Variants in PTPRM observed in about 807,000 individuals in gnomAD.
The protein encoded by PTPRM is receptor-type tyrosine-protein phosphatase mu.
A neutral mutation model predicts 186.7 loss-of-function variants in PTPRM; 47 were observed. The observed-to-expected ratio is 0.25, with a 90% CI of 0.20 to 0.32. The LOEUF (loss-of-function observed/expected upper bound fraction) is 0.32. Among genes scored for constraint, PTPRM ranks in the 10% least tolerant of loss-of-function variants. The pLI is 1.00. For synonymous variants in PTPRM, 668 were observed against 674.9 expected, an observed-to-expected ratio of 0.99 and a Z score of 0.16; for missense variants, 1,494 against 1,865.0, an observed-to-expected ratio of 0.80 and a Z score of 3.66.
chr18:8,120,065 G>A (rs2145798171), intron 13 of PTPRM, among the ~76,000 whole-genome samples: 1 of 152,168 alleles, frequency 6.6e-6, no homozygotes, highest in South Asian at 2.1e-4. Context: ...GAGGCCTTGT[G>A]GGCCATATGG....
Position 7,568,778 on chromosome 18 carries a change from G to A in PTPRM, c.73+887G>A, listed in dbSNP as rs1341770374. On this transcript the variant is annotated intron_variant, in intron 1 of 32. Coordinates refer to ENST00000580170, the MANE Select transcript of PTPRM (RefSeq NM_001105244.2). This position sits in a 1 kb window ranked among gnomAD's most constrained non-coding sequence, Gnocchi z 5.1. ...TTCTAAGCCCAGAGGAACCCCTCAC[G>A]GAGAGGATCTGTGGATCGGAGTCGG... Among the ~76,000 whole-genome samples, 7 of 152,150 alleles carry A rather than the reference G, an allele frequency of 4.6e-5. No homozygotes were observed. Among genetic ancestry groups the A allele is most frequent in the Admixed American group, 3.3e-4 (5 of 15,274 alleles).
At position 8,081,583 on chromosome 18, in the gene PTPRM, A is replaced by G. The variant is rs141283381; in HGVS notation, c.1552-4088A>G. ...ACCATATGGACATTTGAGTTTGAGCATGGGAGTATATTTTGGTGCCCTTTA... is the reference window on the plus strand; with the variant it reads ...ACCATATGGACATTTGAGTTTGAGCGTGGGAGTATATTTTGGTGCCCTTTA... On this transcript the variant is annotated intron_variant, in intron 9 of 32. Transcript: ENST00000580170. 7.1e-4 allele frequency among the ~76,000 whole-genome samples: 108 copies of G among 152,306 alleles called. 2 individuals are homozygous for G. In the East Asian group the frequency reaches 8.5e-3, roughly 12 times the overall value.
At chr18:7,920,573 A>G (rs557177025) in intron 4 of PTPRM, among the ~76,000 whole-genome samples, 2 of 152,210 alleles carry the variant, frequency 1.3e-5, no homozygotes, top group East Asian at 1.9e-4. Context: ...TACCATACCT[A>G]TTACTGTTTT....
At chr18:7,751,394 T>C (rs994562943) in intron 1 of PTPRM, 3 of 152,232 alleles carry the variant, frequency 2.0e-5, no homozygotes, top group Admixed American at 2.0e-4. Context: ...TGCTTGGATC[T>C]TCAATTCCCA....
In PTPRM at chr18:8,379,352, G is replaced by T; in HGVS notation, c.3786+12G>T. 2 of 1,597,534 alleles carry T rather than the reference G, an allele frequency of 1.3e-6. No individual in the cohort carries two copies. The highest frequency in any genetic ancestry group is 1.7e-6 in the Non-Finnish European group (2 of 1,172,432). On this transcript the variant is annotated intron_variant, in intron 28 of 32. Coordinates refer to ENST00000580170, the MANE Select transcript of PTPRM (RefSeq NM_001105244.2). ...CTGCCCTCATGGACGTGAGTGCCCC[G>T]CTTCCCGCACGGGTCCGAGGCTGGG...
At chr18:7,655,187 A>C (rs2038818654) in intron 1 of PTPRM, among the ~76,000 whole-genome samples, 1 of 151,936 alleles carries the variant, frequency 6.6e-6, no homozygotes, top group African/African-American at 2.4e-5. Context: ...CTGTATTCCT[A>C]GTTTTTTTGT....
At chr18:7,923,758 A>G (rs1599532985) in intron 4 of PTPRM, among the ~76,000 whole-genome samples, 1 of 152,078 alleles carries the variant, frequency 6.6e-6, no homozygotes, top group Non-Finnish European at 1.5e-5. Context: ...AATGGCAACT[A>G]TTTTTTCTGG....
intron 5 of PTPRM, among the ~76,000 whole-genome samples, chr18:7,937,630 C>T (rs1000236888): frequency 3.3e-5 from 5 of 152,304 alleles, no homozygotes; most frequent in African/African-American, 1.2e-4. Context: ...TTCTGGCTGG[C>T]GAAGCAACAC....
chr18:7,826,027 C>T (rs1446923043), intron 2 of PTPRM, among the ~76,000 whole-genome samples: 1 of 152,106 alleles, frequency 6.6e-6, no homozygotes, highest in African/African-American at 2.4e-5. Context: ...TCTCAGAGCA[C>T]CTTGTTGCTT....
At chr18:8,205,379 A>T (rs944981919) in intron 14 of PTPRM, among the ~76,000 whole-genome samples, 8 of 152,194 alleles carry the variant, frequency 5.3e-5, no homozygotes, top group African/African-American at 1.9e-4. Context: ...TTATATTTTT[A>T]TGATTTCATT....
chr18:7,944,009 G>C (rs2052360391), intron 5 of PTPRM, among the ~76,000 whole-genome samples: 1 of 152,176 alleles, frequency 6.6e-6, no homozygotes, highest in Admixed American at 6.5e-5. Context: ...ACGACACACA[G>C]AACCTCTAAA....
At chr18:7,671,969 G>A (rs561630658) in intron 1 of PTPRM, among the ~76,000 whole-genome samples, 10 of 152,136 alleles carry the variant, frequency 6.6e-5, no homozygotes, top group South Asian at 2.1e-4. Context: ...ACGTCGTTTC[G>A]TAGGGAAGAA....
chr18:8,399,192 G>A (rs1373495589), intron 32 of PTPRM, among the ~76,000 whole-genome samples: 3 of 152,190 alleles, frequency 2.0e-5, no homozygotes, highest in East Asian at 1.9e-4. Flanking sequence ...GGAACACAAC[G>A]CAGATCGGTT....
At chr18:8,026,568 A>G (rs1265741150) in intron 7 of PTPRM, among the ~76,000 whole-genome samples, 2 of 152,192 alleles carry the variant, frequency 1.3e-5, no homozygotes, top group Non-Finnish European at 2.9e-5. Flanking sequence ...AAACATTAAT[A>G]TGCTTAAGCC....
At chr18:7,686,943 G>T (rs2039616396) in intron 1 of PTPRM, among the ~76,000 whole-genome samples, 1 of 152,166 alleles carries the variant, frequency 6.6e-6, no homozygotes, top group Non-Finnish European at 1.5e-5. Flanking sequence ...GCTCCTGAAA[G>T]AAGTAATAGT....
At chr18:7,652,809 C>G in intron 1 of PTPRM, among the ~76,000 whole-genome samples, 1 of 150,658 alleles carries the variant, frequency 6.6e-6, no homozygotes, top group African/African-American at 2.4e-5. Context: ...TGTTAAATGA[C>G]GAGTTAATGG....
chr18:7,602,775 A>G (rs2037435083), intron 1 of PTPRM, among the ~76,000 whole-genome samples: 1 of 150,784 alleles, frequency 6.6e-6, no homozygotes, highest in Admixed American at 6.6e-5. Flanking sequence ...AAGTGTTGGC[A>G]TTTAAAAAAA....
At chr18:8,322,140 A>C (rs1241159920) in intron 22 of PTPRM, among the ~76,000 whole-genome samples, 1 of 152,190 alleles carries the variant, frequency 6.6e-6, no homozygotes, top group Non-Finnish European at 1.5e-5. Flanking sequence ...GCAGGAACCT[A>C]TGAAACTATA....
chr18:7,607,645 CT>C (rs2143815444), intron 1 of PTPRM, among the ~76,000 whole-genome samples: 1 of 152,364 alleles, frequency 6.6e-6, no homozygotes, highest in Non-Finnish European at 1.5e-5. Flanking sequence ...GCAAAGATTT[CT>C]CCTGCATGTG....
Sources: allele counts gnomAD v4.1 joint callset (sites outside exome capture counted in the v4.1 genomes callset), GRCh38; gene constraint gnomAD v4.1.1; non-coding constraint Gnocchi (gnomAD v3.1); transcripts MANE v1.5; gene names NCBI Gene and HGNC (gene_info 2026-07-23, HGNC 2026-07-21).